Variants in PCDHA1 observed in about 807,000 individuals in gnomAD.
PCDHA1 encodes protocadherin alpha-1.
Under a neutral mutation model 61.3 loss-of-function variants are expected in PCDHA1, and 42 were observed. The ratio of observed to expected loss-of-function variants is 0.69; its 90% confidence interval spans 0.54 to 0.89. The LOEUF (loss-of-function observed/expected upper bound fraction) is 0.89. PCDHA1 is among the 40% of genes least tolerant of loss of function. The probability of loss-of-function intolerance (pLI) is 0.00; values close to 1 mark genes in which losing one functional copy is unlikely to be tolerated. For synonymous variants in PCDHA1, 610 were observed against 553.8 expected (o/e 1.10, Z -1.43); for missense variants, 1,256 against 1,235.3 (o/e 1.02, Z -0.25).
chr5:140,920,137 T>C (rs182001221), intron 1 of PCDHA1, among the ~76,000 whole-genome samples: 29 of 152,242 alleles, frequency 1.9e-4, no homozygotes, highest in Admixed American at 1.8e-3. Flanking sequence ...TTAATTCTCC[T>C]CTCCAAACCT....
At chr5:140,905,910 A>G (rs2153491860) in intron 1 of PCDHA1, among the ~76,000 whole-genome samples, 1 of 152,334 alleles carries the variant, frequency 6.6e-6, no homozygotes, top group Admixed American at 6.5e-5. Context: ...GGAGCAAGGA[A>G]TCCAATCTGA....
intron 1 of PCDHA1, chr5:140,871,254 T>C (rs2052877149): frequency 6.8e-6 from 11 of 1,613,826 alleles, no homozygotes; most frequent in Admixed American, 1.7e-5. Context: ...TGCTGCTGTA[T>C]ACGGCGCTGT....
In PCDHA1 at chr5:140,803,192, G is replaced by T. The variant is rs17844262; in HGVS notation, c.2394+14508G>T. 5.9e-4 allele frequency: 947 copies of T among 1,613,932 alleles called. 13 individuals carry two copies. In the East Asian group the frequency reaches 0.018, roughly 31 times the overall value. On this transcript the variant is annotated intron_variant, in intron 1 of 3. Transcript: ENST00000504120. ...CCTCATTGACCGCCACGGCCACTGTGCTGGTGTCGCTGGTGGAGAGTGGCC... is the reference window on the plus strand; with the variant it reads ...CCTCATTGACCGCCACGGCCACTGTTCTGGTGTCGCTGGTGGAGAGTGGCC...
At position 140,802,148 on chromosome 5, in the gene PCDHA1, A is replaced by C. The variant is rs200090365; in HGVS notation, c.2394+13464A>C. ...ATTTCGAGGAAAGTAAGTCATATGA[A>C]ATCCAGGTAGAAGCCACGGATAAAG... On this transcript the variant is annotated intron_variant, in intron 1 of 3. Transcript: ENST00000504120. 1.3e-4 allele frequency: 208 copies of C among 1,614,138 alleles called. No individual in the cohort carries two copies. The highest frequency in any genetic ancestry group is 1.7e-4 in the Non-Finnish European group (200 of 1,180,052).
Position 140,928,606 on chromosome 5 carries a change from C to T in PCDHA1, c.2395-50343C>T, listed in dbSNP as rs782809256. ...TTCTGTCCCAGTGGAAATTGTGCCC[C>T]GCTCTGCCAGGACTGGACACTTGGT... On this transcript the variant is annotated intron_variant, in intron 1 of 3. Coordinates refer to ENST00000504120, the MANE Select transcript of PCDHA1 (RefSeq NM_018900.4). 7.4e-6 allele frequency: 12 copies of T among 1,614,204 alleles called. No homozygotes were observed. In the South Asian group the frequency reaches 1.2e-4, roughly 16 times the overall value.
chr5:141,008,346 C>T lies in PCDHA1; in HGVS notation c.2543-1281C>T, dbSNP rs1223206383. Among the ~76,000 whole-genome samples the T allele has an allele frequency of 2.0e-5, 3 of 152,158 alleles. No homozygotes were observed. The East Asian group carries it at 5.8e-4, about 29-fold the overall frequency. On this transcript the variant is annotated intron_variant, in intron 3 of 3. Coordinates refer to ENST00000504120, the MANE Select transcript of PCDHA1 (RefSeq NM_018900.4). ...ACAGTTTATTTGATGGAGCTTTTCA[C>T]GTGTCAACCAAAGGAGCAGTGTTAG...
intron 1 of PCDHA1, chr5:140,863,203 G>C: frequency 1.1e-6 from 1 of 948,504 alleles, no homozygotes; most frequent in Non-Finnish European, 1.6e-6. Flanking sequence ...GTCGCTGGCG[G>C]AGAGCAGCCA....
intron 1 of PCDHA1, among the ~76,000 whole-genome samples, chr5:140,819,420 C>T (rs1394796669): frequency 6.6e-6 from 1 of 152,078 alleles, no homozygotes; most frequent in Non-Finnish European, 1.5e-5. Context: ...CTTTAATATA[C>T]TACACAGTTT....
chr5:140,823,060 G>C (rs1229529443), intron 1 of PCDHA1: 7 of 1,614,020 alleles, frequency 4.3e-6, no homozygotes, highest in African/African-American at 2.7e-5. Context: ...CGCGCGGGAC[G>C]GGGGCTCGCC....
intron 1 of PCDHA1, chr5:140,853,583 T>G: frequency 1.0e-6 from 1 of 985,318 alleles, no homozygotes; most frequent in Non-Finnish European, 1.2e-6. Context: ...CCCAATATCT[T>G]AGACACTTTG....
At chr5:140,884,258 A>G (rs782780491) in intron 1 of PCDHA1, 1 of 1,613,390 alleles carries the variant, frequency 6.2e-7, no homozygotes, top group South Asian at 1.1e-5. Flanking sequence ...GGCCACGGCA[A>G]CGGTGCTGTT....
intron 1 of PCDHA1, among the ~76,000 whole-genome samples, chr5:140,918,819 TG>T (rs2078870306): frequency 1.6e-5 from 1 of 61,992 alleles, no homozygotes; most frequent in Admixed American, 1.3e-4. Flanking sequence ...AACCAAAAAG[TG>T]GCCCCCTCCC....
At chr5:140,805,154 A>G (rs1290152732) in intron 1 of PCDHA1, 2 of 1,559,526 alleles carry the variant, frequency 1.3e-6, no homozygotes, top group South Asian at 1.2e-5. Context: ...TGGAATTTTC[A>G]CTTCACAGAT....
intron 3 of PCDHA1, among the ~76,000 whole-genome samples, chr5:140,983,853 A>T (rs1447321377): frequency 6.6e-6 from 1 of 152,230 alleles, no homozygotes; most frequent in African/African-American, 2.4e-5. Context: ...ATTAAGTAAC[A>T]TGCAGCTAAG....
intron 1 of PCDHA1, among the ~76,000 whole-genome samples, chr5:140,792,913 T>C (rs1005089026): frequency 1.4e-4 from 21 of 152,342 alleles, no homozygotes; most frequent in African/African-American, 5.1e-4. Context: ...ACCTCCACTT[T>C]TCAGTTCACA....
At chr5:140,855,786 GAATT>G (rs2043624411) in intron 1 of PCDHA1, 1 of 434,404 alleles carries the variant, frequency 2.3e-6, no homozygotes, top group Non-Finnish European at 4.1e-6. Context: ...CGTAAAAAAA[GAATT>G]AACATATGAA....
intron 1 of PCDHA1, chr5:140,795,176 A>G (rs1554119289): frequency 1.2e-6 from 2 of 1,613,910 alleles, no homozygotes; most frequent in African/African-American, 2.7e-5. Context: ...TCCAAAAGAC[A>G]CGGGGACCTT....
chr5:140,966,971 C>T lies in PCDHA1; in HGVS notation c.2395-11978C>T, dbSNP rs375161984. On this transcript the variant is annotated intron_variant, in intron 1 of 3. Coordinates refer to ENST00000504120, the MANE Select transcript of PCDHA1 (RefSeq NM_018900.4). ...CGTGGCTCGCGCGCTGGGGCTTGAG[C>T]TGCGGCGCTTGGGGCCGGGTTGCTT... 13 of 1,602,690 alleles carry T rather than the reference C, an allele frequency of 8.1e-6. No homozygotes were observed. The African/African-American group carries it at 1.7e-4, about 21-fold the overall frequency.
intron 1 of PCDHA1, chr5:140,927,514 G>T: frequency 6.2e-7 from 1 of 1,614,056 alleles, no homozygotes; most frequent in Non-Finnish European, 8.5e-7. Flanking sequence ...AGCTCGGGAC[G>T]GCGGGCTACC....
Sources: gnomAD v4.1 joint callset for allele counts (sites outside exome capture counted in the v4.1 genomes callset) on GRCh38, gnomAD v4.1.1 for gene constraint, MANE v1.5 for transcripts, NCBI Gene and HGNC (gene_info 2026-07-23, HGNC 2026-07-21) for gene names.